The following MYH10 variants were observed in gnomAD, a reference collection of about 807,000 sequenced individuals.
MYH10 encodes myosin-10.
MYH10 carries 55 observed loss-of-function variants against 257.8 expected under a neutral mutation model. That is an observed-to-expected ratio of 0.21 (90% confidence interval 0.17 to 0.27). The LOEUF is 0.27. MYH10 is among the 10% of genes least tolerant of loss of function. MYH10 has a pLI of 1.00. For synonymous variants in MYH10, 854 were observed against 921.7 expected (o/e 0.93, Z 1.33); for missense variants, 1,631 against 2,500.6 (o/e 0.65, Z 7.42).
chr17:8,574,374 G>C (rs1415904145), intron 6 of MYH10, among the ~76,000 whole-genome samples: 2 of 152,236 alleles, frequency 1.3e-5, no homozygotes, highest in African/African-American at 4.8e-5. Context: ...GCCAGGGGCT[G>C]AGGGGAAATG....
In MYH10 at chr17:8,504,946, C is replaced by T. The variant is rs16957375; in HGVS notation, c.3387-40G>A. 1,949 of 1,566,200 alleles carry T rather than the reference C, an allele frequency of 1.2e-3. 28 individuals are homozygous for T. In the African/African-American group the frequency reaches 0.024, roughly 19 times the overall value. On this transcript the variant is annotated intron_variant, in intron 27 of 42. Transcript: ENST00000360416. This position sits in a 1 kb window ranked among gnomAD's most constrained non-coding sequence, Gnocchi z 5.6. Reference sequence around the variant, plus strand: ...AGGCGCAAGAGGCACTCAGAGATGGCACCCGGATGGCCTGTTTCTCAGGCG... The same window carrying T: ...AGGCGCAAGAGGCACTCAGAGATGGTACCCGGATGGCCTGTTTCTCAGGCG...
At chr17:8,571,941 A>G (rs2083359079) in intron 6 of MYH10, among the ~76,000 whole-genome samples, 2 of 149,912 alleles carry the variant, frequency 1.3e-5, no homozygotes, top group African/African-American at 4.9e-5. Context: ...TTTTTTTTAA[A>G]CCTAATTCAA....
intron 1 of MYH10, among the ~76,000 whole-genome samples, chr17:8,630,182 T>C (rs2085857994): frequency 6.6e-6 from 1 of 150,724 alleles, no homozygotes; most frequent in Non-Finnish European, 1.5e-5. Flanking sequence ...TCCCCTCTCT[T>C]CCTGGGAGGC....
chr17:8,478,921 G>A (rs890561310), intron 40 of MYH10, among the ~76,000 whole-genome samples: 1 of 152,158 alleles, frequency 6.6e-6, no homozygotes, highest in Non-Finnish European at 1.5e-5. Flanking sequence ...TAGCAGAGAC[G>A]GGGTTTTACT....
chr17:8,613,390 T>G (rs2085119829), intron 2 of MYH10, among the ~76,000 whole-genome samples: 1 of 152,182 alleles, frequency 6.6e-6, no homozygotes, highest in African/African-American at 2.4e-5. Context: ...ATGTGTCTTG[T>G]GGGTTTTAAA....
chr17:8,625,475 G>A (rs948651578), intron 1 of MYH10, among the ~76,000 whole-genome samples: 1 of 138,124 alleles, frequency 7.2e-6, no homozygotes, highest in African/African-American at 3.2e-5. Context: ...GGTAGAGCCT[G>A]AGAACTATTT....
intron 9 of MYH10, among the ~76,000 whole-genome samples, chr17:8,551,547 C>G (rs1487479728): frequency 6.6e-6 from 1 of 152,168 alleles, no homozygotes; most frequent in African/African-American, 2.4e-5. Flanking sequence ...AAAATTCTGA[C>G]CCAGACCTGA....
chr17:8,508,496 G>A lies in MYH10; in HGVS notation c.3214+58C>T. The A allele has an allele frequency of 4.4e-6, 7 of 1,605,652 alleles. No homozygotes were observed. In the South Asian group the frequency reaches 5.6e-5, roughly 13 times the overall value. On this transcript the variant is annotated intron_variant, in intron 26 of 42. Transcript: ENST00000360416. ...TTTATTTTTGCATGTTCTGATTACA[G>A]TAAAAGCTAAACACTCACATGTCCT...
chr17:8,623,346 T>C, intron 1 of MYH10, 69 bp from the exon 2 acceptor site: 12 of 1,397,294 alleles, frequency 8.6e-6, no homozygotes, highest in Non-Finnish European at 1.1e-5. Flanking sequence ...TTTTCTTTTC[T>C]AAGAAACTTA....
intron 3 of MYH10, among the ~76,000 whole-genome samples, chr17:8,595,786 C>T (rs2084345346): frequency 1.2e-4 from 1 of 8,240 alleles, no homozygotes; most frequent in Admixed American, 2.7e-3. Flanking sequence ...CTTACAGCTT[C>T]ACAGGGTGGT....
At chr17:8,617,929 T>C (rs1301696240) in intron 2 of MYH10, among the ~76,000 whole-genome samples, 4 of 152,186 alleles carry the variant, frequency 2.6e-5, no homozygotes, top group Non-Finnish European at 5.9e-5. Flanking sequence ...AAACAATAAA[T>C]ACATTACATG....
chr17:8,532,171 T>G (rs2082023015), intron 16 of MYH10, among the ~76,000 whole-genome samples: 1 of 152,144 alleles, frequency 6.6e-6, no homozygotes, highest in Non-Finnish European at 1.5e-5. Flanking sequence ...AGCAAACATG[T>G]AGGAGTATTC....
chr17:8,513,800 GCCA>G lies in MYH10; in HGVS notation c.2596_2598del (p.Trp866del). 1 of 1,613,942 alleles carries G rather than the reference GCCA, an allele frequency of 6.2e-7. No homozygotes were observed. The highest frequency in any genetic ancestry group is 8.5e-7 in the Non-Finnish European group (1 of 1,179,996). On this transcript the variant is annotated inframe_deletion, in exon 22 of 43. Coordinates refer to ENST00000360416, the MANE Select transcript of MYH10 (RefSeq NM_001256012.3). ...GCCAAGCTCACCTTTGTGAAGACTC[GCCA>G]CCACTGCCAGTGCCGTAATTTCAGG...
chr17:8,535,839 C>T lies in MYH10; in HGVS notation c.1698G>A (p.Glu566=). ...DKTFVEKLVQ[E]QGSHSKFQKP... is the part of the protein sequence containing the mutation. ...TCTGAAACTTGGAGTGGGAACCTTGCTCTTGAACCAGTTTTTCAACAAAGG... is the reference window on the plus strand; with the variant it reads ...TCTGAAACTTGGAGTGGGAACCTTGTTCTTGAACCAGTTTTTCAACAAAGG... Residue 566 remains glutamate, a synonymous_variant, in exon 15 of 43, where the codon GAG becomes GAA. Transcript: ENST00000360416. The surrounding 1 kb of genome is among the most constrained non-coding windows in gnomAD (Gnocchi z 4.3). 1.2e-6 allele frequency: 2 copies of T among 1,614,098 alleles called. No individual in the cohort carries two copies. The highest frequency in any genetic ancestry group is 1.7e-6 in the Non-Finnish European group (2 of 1,180,010).
chr17:8,486,543 CAAAAAAAAAA>C (rs67844660), intron 36 of MYH10, among the ~76,000 whole-genome samples: 11 of 120,726 alleles, frequency 9.1e-5, no homozygotes, highest in Middle Eastern at 4.6e-3. Flanking sequence ...TATTTAGCTT[CAAAAAAAAAA>C]AAAAAAAAAA....
At chr17:8,500,509 T>G (rs1917359333) in intron 29 of MYH10, among the ~76,000 whole-genome samples, 1 of 152,184 alleles carries the variant, frequency 6.6e-6, no homozygotes, top group Non-Finnish European at 1.5e-5. Context: ...TAGGGAAGAA[T>G]GACTTTCAAA....
At chr17:8,589,009 C>T in intron 4 of MYH10, 72 bp downstream of exon 4, 1 of 1,448,968 alleles carries the variant, frequency 6.9e-7, no homozygotes, top group Non-Finnish European at 9.7e-7. Flanking sequence ...TCTCCCCTCC[C>T]CCCAGACAAA....
At chr17:8,614,446 G>A (rs906480502) in intron 2 of MYH10, among the ~76,000 whole-genome samples, 1 of 150,422 alleles carries the variant, frequency 6.6e-6, no homozygotes, top group Non-Finnish European at 1.5e-5. Context: ...AGCCTCCCGA[G>A]TAGCTGGGAC....
intron 7 of MYH10, chr17:8,561,672 CT>C (rs2083001129): frequency 1.5e-6 from 1 of 645,228 alleles, no homozygotes; most frequent in African/African-American, 1.9e-5. Flanking sequence ...TTTGGGGCCT[CT>C]GAACAGGTGA....
Sources: gnomAD v4.1 joint callset for allele counts (sites outside exome capture counted in the v4.1 genomes callset) on GRCh38, gnomAD v4.1.1 for gene constraint, Gnocchi (gnomAD v3.1) non-coding constraint, MANE v1.5 for transcripts, NCBI Gene and HGNC (gene_info 2026-07-23, HGNC 2026-07-21) for gene names.